RGS7BP: variants seen among roughly 807,000 people sequenced by gnomAD.
The protein encoded by RGS7BP is regulator of G protein signaling 7-binding protein.
Under a neutral mutation model 31.3 loss-of-function variants are expected in RGS7BP, and 9 were observed. The ratio of observed to expected loss-of-function variants is 0.29; its 90% CI spans 0.17 to 0.50. The LOEUF is 0.50. Ranked by LOEUF, RGS7BP falls within the 20% of genes least tolerant of loss-of-function variation. The probability of loss-of-function intolerance (pLI) is 0.98; values close to 1 mark genes in which losing one functional copy is unlikely to be tolerated. For synonymous variants in RGS7BP, 115 were observed against 120.1 expected, an observed-to-expected ratio of 0.96 and a Z score of 0.28; for missense variants, 274 against 322.0, an observed-to-expected ratio of 0.85 and a Z score of 1.14.
chr5:64,598,307 T>G, intron 4 of RGS7BP, 58 bp from the exon 5 acceptor site: 1 of 984,918 alleles, frequency 1.0e-6, no homozygotes, highest in Non-Finnish European at 1.6e-6. Context: ...ACAGATTGTT[T>G]GAGATTTCAT....
intron 3 of RGS7BP, among the ~76,000 whole-genome samples, chr5:64,583,296 G>A (rs1188842920): frequency 3.3e-5 from 5 of 152,182 alleles, no homozygotes; most frequent in African/African-American, 4.8e-5. Context: ...TACTGAGGCA[G>A]GAGAATTGCT....
At chr5:64,586,891 C>T (rs902222806) in intron 3 of RGS7BP, among the ~76,000 whole-genome samples, 1 of 132,294 alleles carries the variant, frequency 7.6e-6, no homozygotes, top group African/African-American at 2.9e-5. Flanking sequence ...AATGGAAAAA[C>T]ATGTAATGAA....
At chr5:64,540,942 C>T (rs1741513186) in intron 2 of RGS7BP, among the ~76,000 whole-genome samples, 1 of 152,174 alleles carries the variant, frequency 6.6e-6, no homozygotes, top group South Asian at 2.1e-4. Flanking sequence ...TATCACCATG[C>T]TTAGTCAGTG....
intron 2 of RGS7BP, among the ~76,000 whole-genome samples, chr5:64,515,259 T>C (rs935391516): frequency 6.6e-6 from 1 of 152,218 alleles, no homozygotes; most frequent in African/African-American, 2.4e-5. Context: ...TACATTTAAC[T>C]ATTATTATTT....
Position 64,601,859 on chromosome 5 carries a change from C to CA in RGS7BP, c.682+3428dup, listed in dbSNP as rs1743227173. 2.0e-5 allele frequency among the ~76,000 whole-genome samples: 3 copies of CA among 152,298 alleles called. No homozygotes were observed. In the East Asian group the frequency reaches 5.8e-4, roughly 29 times the overall value. On this transcript the variant is annotated intron_variant, in intron 5 of 5. Transcript: ENST00000334025. ...CTTCTAAATGCATGCTGTTATCAAA[C>CA]AAAACAAATCAGCAGAAATAAATTA...
At chr5:64,599,589 A>G (rs1743168229) in intron 5 of RGS7BP, among the ~76,000 whole-genome samples, 1 of 152,242 alleles carries the variant, frequency 6.6e-6, no homozygotes. Context: ...ATAGCTCAGA[A>G]CATCCCCTGA....
chr5:64,575,442 A>G (rs144594448), intron 2 of RGS7BP, among the ~76,000 whole-genome samples: 18 of 152,334 alleles, frequency 1.2e-4, no homozygotes, highest in African/African-American at 4.1e-4. Flanking sequence ...CTCTTCTTGC[A>G]GGCTAGGAGA....
chr5:64,575,683 T>C (rs1002507894), intron 2 of RGS7BP, 91 bp from the exon 3 acceptor site: 21 of 1,489,072 alleles, frequency 1.4e-5, no homozygotes, highest in Non-Finnish European at 1.8e-5. Context: ...GGAATCTTTA[T>C]TGAGCATTTT....
At chr5:64,510,399 T>A (rs1197410064) in intron 2 of RGS7BP, among the ~76,000 whole-genome samples, 1 of 152,128 alleles carries the variant, frequency 6.6e-6, no homozygotes, top group Non-Finnish European at 1.5e-5. Flanking sequence ...AAATATAAAC[T>A]AACCTTAAAA....
chr5:64,605,300 G>A (rs1334498106), intron 5 of RGS7BP, among the ~76,000 whole-genome samples: 1 of 152,172 alleles, frequency 6.6e-6, no homozygotes, highest in Non-Finnish European at 1.5e-5. Flanking sequence ...ATAAGTTCAA[G>A]TGGATTATTC....
intron 3 of RGS7BP, among the ~76,000 whole-genome samples, chr5:64,578,929 T>A (rs1295342392): frequency 6.6e-6 from 1 of 152,230 alleles, no homozygotes; most frequent in Non-Finnish European, 1.5e-5. Flanking sequence ...GCCTCTAAAG[T>A]TACTTTTTTT....
intron 2 of RGS7BP, among the ~76,000 whole-genome samples, chr5:64,524,561 T>C (rs1749185181): frequency 6.6e-6 from 1 of 152,232 alleles, no homozygotes; most frequent in South Asian, 2.1e-4. Context: ...TAATTATAGA[T>C]TCAACATCAA....
chr5:64,509,700 T>G (rs1342494595), intron 2 of RGS7BP, among the ~76,000 whole-genome samples: 1 of 152,242 alleles, frequency 6.6e-6, no homozygotes, highest in African/African-American at 2.4e-5. Flanking sequence ...GTGGATTTTA[T>G]TTACTCTGGT....
At position 64,609,519 on chromosome 5, in the gene RGS7BP, G is replaced by GC. The variant is rs1743451150; in HGVS notation, c.*269dup. ...ATTGTGCATGTCTGCTCCAAACCAC[G>GC]CCATGACAGATGCAAGAATTATGAT... On this transcript the variant is annotated 3_prime_UTR_variant, in exon 6 of 6. Coordinates refer to ENST00000334025, the MANE Select transcript of RGS7BP (RefSeq NM_001029875.3). The GC allele has an allele frequency of 2.4e-6, 1 of 418,376 alleles. No homozygotes were observed. The highest frequency in any genetic ancestry group is 4.4e-6 in the Non-Finnish European group (1 of 229,696). 25.9% of individuals were successfully genotyped at this position (418,376 alleles called of 1,614,324 possible).
intron 2 of RGS7BP, among the ~76,000 whole-genome samples, chr5:64,525,016 A>G (rs1436337193): frequency 6.6e-6 from 1 of 151,974 alleles, no homozygotes; most frequent in African/African-American, 2.4e-5. Flanking sequence ...AACTTCATGT[A>G]TTTCTTGTCA....
At chr5:64,572,192 G>A (rs1441582970) in intron 2 of RGS7BP, among the ~76,000 whole-genome samples, 1 of 152,050 alleles carries the variant, frequency 6.6e-6, no homozygotes, top group East Asian at 1.9e-4. Flanking sequence ...GTTTCCTAAG[G>A]TTTTGTAATT....
chr5:64,606,326 C>A (rs1580476273), intron 5 of RGS7BP, among the ~76,000 whole-genome samples: 2 of 151,924 alleles, frequency 1.3e-5, no homozygotes, highest in African/African-American at 4.8e-5. Flanking sequence ...GTAAGAGGAG[C>A]AAACACATCA....
chr5:64,569,467 T>C (rs1742254847), intron 2 of RGS7BP, among the ~76,000 whole-genome samples: 1 of 152,162 alleles, frequency 6.6e-6, no homozygotes, highest in Non-Finnish European at 1.5e-5. Context: ...TTTTTAATTG[T>C]AGTACTCATT....
intron 2 of RGS7BP, among the ~76,000 whole-genome samples, chr5:64,519,500 C>A (rs10068695): frequency 0.32 from 48,339 of 152,026 alleles, 8,611 homozygotes; most frequent in East Asian, 0.74. Flanking sequence ...CTGGGTGTAG[C>A]CAGGGAAAAC....
Sources: gnomAD v4.1 joint callset for allele counts (sites outside exome capture counted in the v4.1 genomes callset) on GRCh38, gnomAD v4.1.1 for gene constraint, MANE v1.5 for transcripts, NCBI Gene and HGNC (gene_info 2026-07-23, HGNC 2026-07-21) for gene names.